The following AKT3 variants were observed in gnomAD, a reference collection of about 807,000 sequenced individuals.
AKT3 encodes the protein RAC-gamma serine/threonine-protein kinase.
AKT3 carries 15 observed loss-of-function variants against 65.3 expected under a neutral mutation model. The ratio of observed to expected loss-of-function variants is 0.23; its 90% CI spans 0.15 to 0.35. The LOEUF (loss-of-function observed/expected upper bound fraction) is 0.35, where lower values mean the gene tolerates loss of function less well. Ranked by LOEUF, AKT3 falls within the 10% of genes least tolerant of loss-of-function variation. AKT3 has a pLI of 1.00. For synonymous variants in AKT3, 206 were observed against 183.8 expected (o/e 1.12, Z -0.98); for missense variants, 243 against 576.5 (o/e 0.42, Z 5.92).
intron 2 of AKT3, among the ~76,000 whole-genome samples, chr1:243,840,001 T>C (rs1276281625): frequency 4.6e-5 from 7 of 151,496 alleles, no homozygotes; most frequent in Non-Finnish European, 1.0e-4. Context: ...GCTAACACGG[T>C]GAAATCTCGT....
At chr1:243,622,321 T>C (rs1298370220) in intron 6 of AKT3, among the ~76,000 whole-genome samples, 1 of 152,238 alleles carries the variant, frequency 6.6e-6, no homozygotes, top group Admixed American at 6.5e-5. Context: ...CCTTCCATAG[T>C]CATGCTATTT....
At chr1:243,752,258 T>C (rs1365382991) in intron 2 of AKT3, among the ~76,000 whole-genome samples, 1 of 152,212 alleles carries the variant, frequency 6.6e-6, no homozygotes, top group East Asian at 1.9e-4. Flanking sequence ...GTATATCTAC[T>C]AAAGTGATAT....
intron 13 of AKT3, among the ~76,000 whole-genome samples, 181 bp from the exon 14 acceptor site, chr1:243,505,515 A>C (rs1574497801): frequency 6.6e-6 from 1 of 152,234 alleles, no homozygotes; most frequent in East Asian, 1.9e-4. Context: ...ATTTTCATAA[A>C]TACATAGTCT....
At chr1:243,790,188 A>G (rs1306378330) in intron 2 of AKT3, among the ~76,000 whole-genome samples, 1 of 152,200 alleles carries the variant, frequency 6.6e-6, no homozygotes, top group East Asian at 1.9e-4. Context: ...TTCTCTCTCT[A>G]GCTATGAAGT....
At chr1:243,661,295 T>C (rs1682303211) in intron 4 of AKT3, among the ~76,000 whole-genome samples, 3 of 152,216 alleles carry the variant, frequency 2.0e-5, no homozygotes, top group Admixed American at 1.3e-4. Flanking sequence ...TCATGCTACC[T>C]GACTTCAAAC....
In AKT3 at chr1:243,671,821, G is replaced by A. The variant is rs539583752; in HGVS notation, c.173-6938C>T. On this transcript the variant is annotated intron_variant, in intron 3 of 13. Transcript: ENST00000673466. Reference sequence around the variant, plus strand: ...AAGACTCAGGCAAGCTAAATAACTTGCCCCAAAACACACAACTGTGAGTCA... The same window carrying A: ...AAGACTCAGGCAAGCTAAATAACTTACCCCAAAACACACAACTGTGAGTCA... Among the ~76,000 whole-genome samples the A allele has an allele frequency of 5.3e-5, 8 of 152,276 alleles. No individual in the cohort carries two copies. The South Asian group carries it at 1.2e-3, about 24-fold the overall frequency.
At chr1:243,730,966 G>A (rs904229630) in intron 2 of AKT3, among the ~76,000 whole-genome samples, 1 of 152,180 alleles carries the variant, frequency 6.6e-6, no homozygotes, top group Non-Finnish European at 1.5e-5. Context: ...TCAGTGCTCT[G>A]AGCCTGGTTT....
chr1:243,567,194 T>A (rs939892055), intron 9 of AKT3, among the ~76,000 whole-genome samples: 1 of 152,026 alleles, frequency 6.6e-6, no homozygotes, highest in Non-Finnish European at 1.5e-5. Context: ...AGCGGGAGAG[T>A]TACTTGAGCC....
At chr1:243,799,120 CTCTTTATA>C (rs1210752889) in intron 2 of AKT3, among the ~76,000 whole-genome samples, 1 of 152,086 alleles carries the variant, frequency 6.6e-6, no homozygotes. Flanking sequence ...CATCCTTGAG[CTCTTTATA>C]TCTTTATATA....
chr1:243,626,653 AG>A (rs1360684498), intron 6 of AKT3, among the ~76,000 whole-genome samples: 1 of 152,210 alleles, frequency 6.6e-6, no homozygotes, highest in African/African-American at 2.4e-5. Context: ...GAAACCTTCC[AG>A]GGGTTCCTGA....
At chr1:243,604,024 T>A (rs1380011490) in intron 8 of AKT3, among the ~76,000 whole-genome samples, 2 of 151,622 alleles carry the variant, frequency 1.3e-5, no homozygotes, top group African/African-American at 2.4e-5. Flanking sequence ...GCCTCCCAAG[T>A]AGCTGGGATT....
intron 2 of AKT3, among the ~76,000 whole-genome samples, chr1:243,716,795 T>G (rs1686539159): frequency 6.6e-6 from 1 of 152,190 alleles, no homozygotes; most frequent in African/African-American, 2.4e-5. Context: ...AGCCAAATAT[T>G]TACCCCTGAT....
At chr1:243,697,859 C>G (rs1366683930) in intron 2 of AKT3, among the ~76,000 whole-genome samples, 1 of 151,946 alleles carries the variant, frequency 6.6e-6, no homozygotes, top group Non-Finnish European at 1.5e-5. Flanking sequence ...CATGCCCAAG[C>G]TGGTGCCCAC....
At chr1:243,512,288 T>C (rs756476073) in intron 13 of AKT3, 36 bp downstream of exon 13, 1 of 1,156,042 alleles carries the variant, frequency 8.7e-7, no homozygotes, top group Non-Finnish European at 1.2e-6. Flanking sequence ...AGAAATTATA[T>C]TAGAAATTTA....
intron 12 of AKT3, among the ~76,000 whole-genome samples, chr1:243,535,003 A>T (rs1004559499): frequency 2.6e-5 from 4 of 151,776 alleles, no homozygotes; most frequent in African/African-American, 9.7e-5. Context: ...GAAACAGAGA[A>T]CAGAAAATCA....
At chr1:243,495,828 A>G (rs1667714217), downstream of AKT3, among the ~76,000 whole-genome samples, 1 of 152,104 alleles carries the variant, frequency 6.6e-6, no homozygotes, top group South Asian at 2.1e-4. Context: ...TGCCTTCCCA[A>G]TTTGGCAGCT....
intron 2 of AKT3, among the ~76,000 whole-genome samples, chr1:243,764,054 C>T (rs1689658287): frequency 6.6e-6 from 1 of 151,996 alleles, no homozygotes; most frequent in Admixed American, 6.6e-5. Context: ...TTCTGAATGA[C>T]AGAAAATTTG....
Position 243,843,108 on chromosome 1 carries a change from G to A in AKT3, c.46+17C>T, listed in dbSNP as rs368669793. ...ACTCTTACCAACCGTATTATTTTTG[G>A]TTTGCGGAGCACTTACCCCTCTTCT... On this transcript the variant is annotated intron_variant, in intron 2 of 13. Coordinates refer to ENST00000673466, the MANE Select transcript of AKT3 (RefSeq NM_005465.7). The A allele has an allele frequency of 6.2e-7, 1 of 1,613,070 alleles. No individual in the cohort carries two copies. The highest frequency in any genetic ancestry group is 8.5e-7 in the Non-Finnish European group (1 of 1,179,480).
intron 2 of AKT3, among the ~76,000 whole-genome samples, chr1:243,757,542 C>T (rs561568417): frequency 3.3e-5 from 5 of 152,148 alleles, no homozygotes; most frequent in South Asian, 4.1e-4. Flanking sequence ...CGCTTGAACC[C>T]GGGAGGCGGA....
Sources: gnomAD v4.1 joint callset for allele counts (sites outside exome capture counted in the v4.1 genomes callset) on GRCh38, gnomAD v4.1.1 for gene constraint, MANE v1.5 for transcripts, NCBI Gene and HGNC (gene_info 2026-07-23, HGNC 2026-07-21) for gene names.